Variants in CSMD1 observed in about 807,000 individuals in gnomAD.
CSMD1 encodes the protein CUB and sushi domain-containing protein 1.
A neutral mutation model predicts 417.5 loss-of-function variants in CSMD1; 213 were observed. That is an observed-to-expected ratio of 0.51 (90% CI 0.46 to 0.57). The LOEUF is 0.57. Ranked by LOEUF, CSMD1 falls within the 20% of genes least tolerant of loss-of-function variation. The pLI, the probability that CSMD1 is intolerant of heterozygous loss-of-function variation, is 0.00. For missense variants in CSMD1, 6,923 were observed against 4,529.7 expected (o/e 1.53, Z -15.17); for synonymous variants, 2,862 against 1,736.8 (o/e 1.65, Z -16.11).
At chr8:3,678,711 G>C (rs1799504766) in intron 7 of CSMD1, among the ~76,000 whole-genome samples, 1 of 152,078 alleles carries the variant, frequency 6.6e-6, no homozygotes, top group Non-Finnish European at 1.5e-5. Flanking sequence ...TCCTCGAGAA[G>C]AGCAACTCCA....
At chr8:3,683,072 G>A (rs1563269036) in intron 7 of CSMD1, among the ~76,000 whole-genome samples, 1 of 152,070 alleles carries the variant, frequency 6.6e-6, no homozygotes, top group Admixed American at 6.6e-5. Flanking sequence ...GGAAGGGATA[G>A]CATTAGGAGA....
chr8:3,699,444 T>C (rs1022181164), intron 7 of CSMD1, among the ~76,000 whole-genome samples: 16 of 152,324 alleles, frequency 1.1e-4, no homozygotes, highest in Non-Finnish European at 1.0e-4. Context: ...CTAGCAAGTC[T>C]ACAGATAAGA....
intron 1 of CSMD1, among the ~76,000 whole-genome samples, chr8:4,928,075 T>C (rs984482024): frequency 6.6e-6 from 1 of 152,128 alleles, no homozygotes; most frequent in Non-Finnish European, 1.5e-5. Context: ...TCCTGTGGCC[T>C]CTCTGAGCTC....
chr8:4,768,940 C>G (rs1167610541), intron 1 of CSMD1, among the ~76,000 whole-genome samples: 2 of 152,168 alleles, frequency 1.3e-5, no homozygotes, highest in East Asian at 3.9e-4. Context: ...TCACCATTTA[C>G]CTAAAAGTCA....
intron 49 of CSMD1, among the ~76,000 whole-genome samples, chr8:3,086,591 G>C (rs1192671594): frequency 6.6e-6 from 1 of 151,938 alleles, no homozygotes; most frequent in Admixed American, 6.6e-5. Context: ...TGTGTTATTT[G>C]AAAACCTGAT....
At chr8:4,446,788 T>C (rs900261285) in intron 2 of CSMD1, among the ~76,000 whole-genome samples, 1 of 149,066 alleles carries the variant, frequency 6.7e-6, no homozygotes, top group East Asian at 2.0e-4. Context: ...TGTGTGTGTG[T>C]GTGTGTGTAT....
At chr8:3,110,622 G>C (rs1050809251) in intron 42 of CSMD1, among the ~76,000 whole-genome samples, 1 of 152,218 alleles carries the variant, frequency 6.6e-6, no homozygotes, top group East Asian at 1.9e-4. Flanking sequence ...AAAATCCTTA[G>C]TTAACACTTG....
intron 10 of CSMD1, among the ~76,000 whole-genome samples, chr8:3,539,501 T>A (rs967038013): frequency 6.6e-6 from 1 of 152,308 alleles, no homozygotes; most frequent in Admixed American, 6.5e-5. Flanking sequence ...GCTACACATG[T>A]GCATTATATT....
At chr8:4,688,575 G>C (rs1003162447) in intron 1 of CSMD1, among the ~76,000 whole-genome samples, 3 of 152,114 alleles carry the variant, frequency 2.0e-5, no homozygotes, top group Non-Finnish European at 2.9e-5. Context: ...CTAAGCAGCA[G>C]TCAGAGAGTG....
chr8:4,556,398 C>G (rs12546056), intron 2 of CSMD1, among the ~76,000 whole-genome samples: 1 of 151,880 alleles, frequency 6.6e-6, no homozygotes, highest in Non-Finnish European at 1.5e-5. Flanking sequence ...GCATTGTAAG[C>G]TGGCAAGACT....
At chr8:4,218,606 T>G (rs1214031678) in intron 3 of CSMD1, among the ~76,000 whole-genome samples, 2 of 152,168 alleles carry the variant, frequency 1.3e-5, no homozygotes, top group Non-Finnish European at 2.9e-5. Flanking sequence ...TTGCTTAATT[T>G]CAATAAAATC....
chr8:3,897,038 T>C (rs1458028878), intron 5 of CSMD1, among the ~76,000 whole-genome samples: 2 of 152,096 alleles, frequency 1.3e-5, no homozygotes, highest in Non-Finnish European at 2.9e-5. Flanking sequence ...GATCTAATTT[T>C]TGTCTTTTAT....
At chr8:3,508,914 C>G (rs1312674964) in intron 10 of CSMD1, among the ~76,000 whole-genome samples, 9 of 152,122 alleles carry the variant, frequency 5.9e-5, no homozygotes, top group African/African-American at 1.2e-4. Context: ...GACCCTTGCA[C>G]ATAAATTTTT....
chr8:3,023,569 G>A (rs1809616239), intron 51 of CSMD1, among the ~76,000 whole-genome samples: 1 of 152,070 alleles, frequency 6.6e-6, no homozygotes, highest in Admixed American at 6.6e-5. Flanking sequence ...ATGCTCTCCT[G>A]TCCATTCATT....
intron 2 of CSMD1, among the ~76,000 whole-genome samples, chr8:4,468,786 T>C (rs1275695043): frequency 6.6e-6 from 1 of 152,218 alleles, no homozygotes; most frequent in Non-Finnish European, 1.5e-5. Context: ...CCTGTGTTTT[T>C]CATATAATGG....
chr8:4,265,009 C>T (rs1804150690), intron 3 of CSMD1, among the ~76,000 whole-genome samples: 1 of 152,076 alleles, frequency 6.6e-6, no homozygotes, highest in Non-Finnish European at 1.5e-5. Flanking sequence ...ATCAATATGT[C>T]AAGTATATAA....
chr8:3,011,556 C>T (rs2128963200), intron 52 of CSMD1, among the ~76,000 whole-genome samples: 1 of 152,238 alleles, frequency 6.6e-6, no homozygotes, highest in East Asian at 1.9e-4. Flanking sequence ...CATTATATTG[C>T]ATTTACAGAA....
intron 5 of CSMD1, among the ~76,000 whole-genome samples, chr8:3,846,543 C>T (rs1803517150): frequency 6.6e-6 from 1 of 152,104 alleles, no homozygotes; most frequent in South Asian, 2.1e-4. Flanking sequence ...ATTAATTGGG[C>T]TAGAGCATAT....
intron 3 of CSMD1, among the ~76,000 whole-genome samples, chr8:4,054,337 G>A (rs867767050): frequency 2.0e-5 from 3 of 152,152 alleles, no homozygotes; most frequent in South Asian, 2.1e-4. Flanking sequence ...GGGTAGGAAT[G>A]TGTGGTTTGA....
Sources: allele counts gnomAD v4.1 joint callset (sites outside exome capture counted in the v4.1 genomes callset), GRCh38; gene constraint gnomAD v4.1.1; transcripts MANE v1.5; gene names NCBI Gene and HGNC (gene_info 2026-07-23, HGNC 2026-07-21).